GNG3: variants seen among roughly 807,000 people sequenced by gnomAD.
GNG3 encodes the protein G protein subunit gamma 3.
In GNG3, 4 loss-of-function variants were observed where a neutral mutation model predicts 5.6. The observed-to-expected ratio is 0.71, with a 90% CI of 0.35 to 1.63. The LOEUF (loss-of-function observed/expected upper bound fraction) is 1.63, where lower values mean the gene tolerates loss of function less well. Among genes scored for constraint, GNG3 ranks in the 40% most tolerant of loss-of-function variants. The probability of loss-of-function intolerance (pLI) is 0.05; values close to 1 mark genes in which losing one functional copy is unlikely to be tolerated. For synonymous variants in GNG3, 30 were observed against 33.5 expected, an observed-to-expected ratio of 0.89 and a Z score of 0.36; for missense variants, 62 against 96.6, an observed-to-expected ratio of 0.64 and a Z score of 1.50.
upstream of GNG3, chr11:62,706,994 G>T: frequency 1.1e-6 from 1 of 905,476 alleles, no homozygotes; most frequent in Non-Finnish European, 1.7e-6. Flanking sequence ...GGCGTGGGAA[G>T]TAATCTATTC....
chr11:62,707,400 C>A (rs1252653056), upstream of GNG3: 9 of 703,922 alleles, frequency 1.3e-5, no homozygotes, highest in Admixed American at 1.6e-4. Context: ...GGGGCGACTG[C>A]CCAGCTGATG....
chr11:62,706,721 G>C (rs1358147429), upstream of GNG3: 2 of 495,296 alleles, frequency 4.0e-6, no homozygotes, highest in Non-Finnish European at 8.2e-6. Context: ...TCTAAGGCGG[G>C]GGCATTCGCC....
In GNG3 at chr11:62,707,886, C is replaced by G. The variant is rs2083568335; in HGVS notation, c.-31C>G. The G allele has an allele frequency of 7.2e-6, 2 of 276,910 alleles. No homozygotes were observed. Among genetic ancestry groups the G allele is most frequent in the Non-Finnish European group, 1.4e-5 (2 of 142,190 alleles). 17.2% of individuals were successfully genotyped at this position (276,910 alleles called of 1,614,324 possible). Reference sequence around the variant, plus strand: ...TGGTACCCTCCACTGACCCTACACCCAGGGCTGCTACTGCCGCTTGTGGCT... The same window carrying G: ...TGGTACCCTCCACTGACCCTACACCGAGGGCTGCTACTGCCGCTTGTGGCT... On this transcript the variant is annotated 5_prime_UTR_variant, in exon 1 of 3. Coordinates refer to ENST00000294117, the MANE Select transcript of GNG3 (RefSeq NM_012202.5).
upstream of GNG3, chr11:62,707,149 T>C (rs1354153325): frequency 6.4e-7 from 1 of 1,554,688 alleles, no homozygotes; most frequent in African/African-American, 1.4e-5. Context: ...TCCGCACACC[T>C]CTTTTTCCCC....
At position 62,708,785 on chromosome 11, in the gene GNG3, GTTC is replaced by G. The variant is rs1565155395; in HGVS notation, c.212_214del (p.Phe71del). ...CGGAGAACCCCTTCCGGGAGAAGAA[GTTC>G]TTCTGTGCTCTCCTCTGAGCTCCCC... On this transcript the variant is annotated inframe_deletion, in exon 3 of 3. Transcript: ENST00000294117. 1 of 1,613,870 alleles carries G rather than the reference GTTC, an allele frequency of 6.2e-7. No homozygotes were observed. The highest frequency in any genetic ancestry group is 1.7e-5 in the Admixed American group (1 of 59,988).
upstream of GNG3, chr11:62,706,568 G>T: frequency 4.3e-6 from 2 of 465,170 alleles, no homozygotes; most frequent in Admixed American, 4.7e-5. Context: ...TGCAGCCTCC[G>T]CTCGGCTCTC....
chr11:62,708,650 A>C (rs2134753181), intron 2 of GNG3, 28 bp from the exon 3 acceptor site: 1 of 1,612,348 alleles, frequency 6.2e-7, no homozygotes, highest in South Asian at 1.1e-5. Flanking sequence ...GGTCCTGGCT[A>C]ACAATACCCT....
Position 62,709,100 on chromosome 11 carries a change from C to A in GNG3, c.*294C>A. On this transcript the variant is annotated 3_prime_UTR_variant, in exon 3 of 3. Coordinates refer to ENST00000294117, the MANE Select transcript of GNG3 (RefSeq NM_012202.5). Reference sequence around the variant, plus strand: ...CCTGCCCGCTTCCCTCGGTGACCTGCTCAGACAATGGAGAGGGATGGGCCA... The same window carrying A: ...CCTGCCCGCTTCCCTCGGTGACCTGATCAGACAATGGAGAGGGATGGGCCA... 2.1e-6 allele frequency: 1 copy of A among 482,922 alleles called. No homozygotes were observed. The highest frequency in any genetic ancestry group is 4.0e-6 in the Non-Finnish European group (1 of 250,026). The allele number at this position is 482,922 out of a possible 1,614,324, so 29.9% of individuals were successfully genotyped here. A position where few individuals can be genotyped will look rare whatever the true frequency, so the allele number is the denominator to read the frequency against.
At chr11:62,707,615 G>A, upstream of GNG3, 1 of 516,240 alleles carries the variant, frequency 1.9e-6, no homozygotes, top group South Asian at 2.1e-5. Context: ...GCGCAGGGAT[G>A]CAGGCAGCTA....
At chr11:62,707,665 C>G (rs2083565265), upstream of GNG3, 1 of 430,332 alleles carries the variant, frequency 2.3e-6, no homozygotes, top group South Asian at 2.2e-5. Context: ...GCTCCAGGAT[C>G]TGAGCAGCTC....
chr11:62,709,089 T>C lies in GNG3; in HGVS notation c.*283T>C. 2.1e-6 allele frequency: 1 copy of C among 479,984 alleles called. No homozygotes were observed. Among genetic ancestry groups the C allele is most frequent in the South Asian group, 1.8e-5 (1 of 57,018 alleles). 29.7% of individuals were successfully genotyped at this position (479,984 alleles called of 1,614,324 possible). On this transcript the variant is annotated 3_prime_UTR_variant, in exon 3 of 3. Transcript: ENST00000294117. ...TGCCAGCGCGTCCTGCCCGCTTCCC[T>C]CGGTGACCTGCTCAGACAATGGAGA...
upstream of GNG3, chr11:62,707,412 C>A: frequency 1.4e-6 from 1 of 701,540 alleles, no homozygotes; most frequent in South Asian, 1.5e-5. Context: ...CAGCTGATGT[C>A]AGATTTTCAA....
upstream of GNG3, chr11:62,706,553 C>T (rs1297933711): frequency 2.2e-6 from 1 of 462,040 alleles, no homozygotes; most frequent in Admixed American, 2.4e-5. Flanking sequence ...AGGGGATGCG[C>T]TGACTGCAGC....
At chr11:62,708,210 C>A in intron 1 of GNG3, 85 bp from the exon 2 acceptor site, 1 of 880,834 alleles carries the variant, frequency 1.1e-6, no homozygotes, top group Non-Finnish European at 2.0e-6. Context: ...GGTATGACCA[C>A]AGCCTTGTAA....
rs776136195 is a variant in GNG3 at position 62,708,698 on chromosome 11, C to A, written c.120C>A (p.Asp40Glu). 2 of 1,613,392 alleles carry A rather than the reference C, an allele frequency of 1.2e-6. No individual in the cohort carries two copies. The highest frequency in any genetic ancestry group is 2.7e-5 in the African/African-American group (2 of 74,900). ...CCCAGGTGTCCAAGGCAGCAGCAGA[C>A]CTGATGACTTACTGTGATGCCCACG... ...CRIKVSKAAA[D>E]LMTYCDAHAC... Residue 40 changes from aspartate (D) to glutamate (E), a missense_variant, in exon 3 of 3, where the codon GAC becomes GAA. Physicochemically the swap from Asp to Glu is conservative, Grantham distance 45. Around this residue, in one of 2 missense-constraint regions of GNG3, gnomAD observed 58 missense variants for 75.4 expected, o/e 0.77. Transcript: ENST00000294117.
chr11:62,707,512 T>G, upstream of GNG3: 1 of 628,972 alleles, frequency 1.6e-6, no homozygotes, highest in Non-Finnish European at 2.9e-6. Flanking sequence ...GAGTCGGCCT[T>G]GGCCTCAGCT....
At chr11:62,707,085 G>T, upstream of GNG3, 2 of 1,545,010 alleles carry the variant, frequency 1.3e-6, no homozygotes, top group Non-Finnish European at 1.8e-6. Context: ...TATTTCTGCT[G>T]ACTGTCCCCA....
At chr11:62,706,847 ACT>A, upstream of GNG3, 8 of 597,442 alleles carry the variant, frequency 1.3e-5, no homozygotes, top group South Asian at 9.2e-5. Context: ...AACTGGATAC[ACT>A]CTCCCTCAGA....
At position 62,708,788 on chromosome 11, in the gene GNG3, C is replaced by T. The variant is rs1421453142; in HGVS notation, c.210C>T (p.Phe70=). Residue 70 remains phenylalanine (F), a synonymous_variant, in exon 3 of 3, where the codon TTC becomes TTT. Coordinates refer to ENST00000294117, the MANE Select transcript of GNG3 (RefSeq NM_012202.5). ...TSENPFREKK[F]FCALL is the part of the protein sequence containing the mutation. ...AGAACCCCTTCCGGGAGAAGAAGTT[C>T]TTCTGTGCTCTCCTCTGAGCTCCCC... 2.5e-6 allele frequency: 4 copies of T among 1,613,742 alleles called. No individual in the cohort carries two copies. The highest frequency in any genetic ancestry group is 1.7e-5 in the Admixed American group (1 of 59,964).
Sources: gnomAD v4.1 joint callset for allele counts on GRCh38, gnomAD v4.1.1 for gene constraint, gnomAD v4.1.1 regional missense constraint, MANE v1.5 for transcripts, NCBI Gene and HGNC (gene_info 2026-07-23, HGNC 2026-07-21) for gene names.